The following TBXAS1 variants were observed in gnomAD, a reference collection of about 807,000 sequenced individuals.
TBXAS1 encodes thromboxane A synthase 1, also known as thromboxane-A synthase.
Under a neutral mutation model 60.7 loss-of-function variants are expected in TBXAS1, and 48 were observed. The observed-to-expected ratio is 0.79, with a 90% confidence interval of 0.63 to 1.01. The LOEUF (loss-of-function observed/expected upper bound fraction) is 1.01. Among genes scored for constraint, TBXAS1 ranks in the 50% least tolerant of loss-of-function variants. The pLI is 0.00. For missense variants in TBXAS1, 685 were observed against 686.3 expected, an observed-to-expected ratio of 1.00 and a Z score of 0.02; for synonymous variants, 287 against 269.7, an observed-to-expected ratio of 1.06 and a Z score of -0.63.
At chr7:139,934,773 C>T (rs566564909) in intron 4 of TBXAS1, among the ~76,000 whole-genome samples, 4 of 152,252 alleles carry the variant, frequency 2.6e-5, no homozygotes, top group African/African-American at 7.2e-5. Context: ...GCACACCAGT[C>T]ATGTTGGATT....
chr7:139,807,502 G>A (rs549451465), intron 4 of TBXAS1, among the ~76,000 whole-genome samples: 2 of 152,102 alleles, frequency 1.3e-5, no homozygotes, highest in Admixed American at 1.3e-4. Flanking sequence ...TCCTGCCTCA[G>A]CCTCCCAAGT....
chr7:139,968,556 A>G (rs1810960216), intron 9 of TBXAS1, among the ~76,000 whole-genome samples: 1 of 152,124 alleles, frequency 6.6e-6, no homozygotes, highest in African/African-American at 2.4e-5. Context: ...CAGCCTCCCA[A>G]AGTGCTGGAA....
At chr7:139,812,462 G>T (rs1215342734) in intron 4 of TBXAS1, among the ~76,000 whole-genome samples, 1 of 152,114 alleles carries the variant, frequency 6.6e-6, no homozygotes, top group Non-Finnish European at 1.5e-5. Flanking sequence ...TGGAAGTTCA[G>T]ACAAACATAA....
intron 4 of TBXAS1, among the ~76,000 whole-genome samples, chr7:139,801,561 C>T (rs1797724521): frequency 6.6e-6 from 1 of 152,032 alleles, no homozygotes; most frequent in Non-Finnish European, 1.5e-5. Context: ...CCTCTGCCTC[C>T]CAGGCTCAAA....
At chr7:139,876,038 T>C (rs776814447) in intron 3 of TBXAS1, 20 of 232,966 alleles carry the variant, frequency 8.6e-5, no homozygotes, top group Non-Finnish European at 1.5e-4. Flanking sequence ...TGAACCTTAC[T>C]CAGACTCGGG....
intron 1 of TBXAS1, among the ~76,000 whole-genome samples, chr7:139,779,924 C>A (rs1796930217): frequency 6.6e-6 from 1 of 152,202 alleles, no homozygotes; most frequent in African/African-American, 2.4e-5. Flanking sequence ...CTTTCCCACC[C>A]ACTTTCCCAG....
intron 1 of TBXAS1, among the ~76,000 whole-genome samples, chr7:139,855,303 G>T (rs1195768733): frequency 6.6e-6 from 1 of 152,194 alleles, no homozygotes; most frequent in Non-Finnish European, 1.5e-5. Context: ...AGATGGCTGT[G>T]TAGCTGGGAT....
chr7:140,007,715 C>T (rs1182733918), intron 10 of TBXAS1, among the ~76,000 whole-genome samples: 1 of 152,170 alleles, frequency 6.6e-6, no homozygotes, highest in Non-Finnish European at 1.5e-5. Flanking sequence ...CCCTCCAAAA[C>T]GTCTCACTGC....
chr7:139,807,059 C>T (rs1254278251), intron 4 of TBXAS1, among the ~76,000 whole-genome samples: 1 of 152,212 alleles, frequency 6.6e-6, no homozygotes, highest in Admixed American at 6.5e-5. Context: ...TGGATTCCTG[C>T]CTCTGGTCTG....
chr7:139,784,452 G>A (rs1797119362), intron 3 of TBXAS1, among the ~76,000 whole-genome samples: 2 of 152,204 alleles, frequency 1.3e-5, no homozygotes, highest in Admixed American at 1.3e-4. Context: ...AATGAGTGCA[G>A]CAGTAAAAAG....
intron 4 of TBXAS1, among the ~76,000 whole-genome samples, chr7:139,790,207 T>C (rs1797339472): frequency 6.6e-6 from 1 of 152,218 alleles, no homozygotes; most frequent in Non-Finnish European, 1.5e-5. Context: ...TTACTAAATA[T>C]TTGCCTCAGC....
intron 10 of TBXAS1, among the ~76,000 whole-genome samples, chr7:140,015,503 C>T (rs1466543842): frequency 6.6e-6 from 1 of 152,144 alleles, no homozygotes; most frequent in East Asian, 1.9e-4. Context: ...AGCCTAGCCT[C>T]GGGGCTGCAG....
upstream of TBXAS1, among the ~76,000 whole-genome samples, chr7:139,828,686 T>C (rs571505149): frequency 3.3e-5 from 5 of 152,304 alleles, no homozygotes; most frequent in Non-Finnish European, 7.4e-5. Context: ...AAAGGACCCA[T>C]ATATGAGCCT....
intron 4 of TBXAS1, among the ~76,000 whole-genome samples, chr7:139,922,999 T>C (rs537716004): frequency 6.6e-5 from 10 of 152,210 alleles, no homozygotes; most frequent in Non-Finnish European, 1.3e-4. Flanking sequence ...TCACACTCTC[T>C]TAAATAGCAT....
intron 7 of TBXAS1, among the ~76,000 whole-genome samples, chr7:139,956,114 C>G (rs146069034): frequency 6.6e-6 from 1 of 152,030 alleles, no homozygotes; most frequent in Non-Finnish European, 1.5e-5. Context: ...ACCCAATGCA[C>G]GAGGACCAGT....
chr7:139,961,836 A>G (rs780655676), intron 8 of TBXAS1, 83 bp from the exon 9 acceptor site: 23 of 1,541,472 alleles, frequency 1.5e-5, no homozygotes, highest in African/African-American at 2.7e-5. Flanking sequence ...ATGCCCATGT[A>G]TCTTCCTCCT....
At position 140,020,051 on chromosome 7, in the gene TBXAS1, T is replaced by G. The variant is rs1427293304; in HGVS notation, c.1554T>G (p.Ser518=). The change falls in exon 13 of 13, where the codon TCT becomes TCG. Residue 518 remains serine, a synonymous_variant. Coordinates refer to ENST00000448866, the MANE Select transcript of TBXAS1 (RefSeq NM_001061.7). ...TQVPLQLESK[S]ALGPKNGVYI... ...TACCGCTGCAGCTAGAATCCAAATC[T>G]GCCCTAGGTCCAAAAAATGGTGTCT... is the stretch of plus-strand genomic sequence containing the variant. 1.2e-6 allele frequency: 2 copies of G among 1,613,328 alleles called. No individual in the cohort carries two copies. The highest frequency in any genetic ancestry group is 3.3e-5 in the Admixed American group (2 of 59,874).
At chr7:139,807,823 A>G (rs1797917176) in intron 4 of TBXAS1, among the ~76,000 whole-genome samples, 1 of 151,660 alleles carries the variant, frequency 6.6e-6, no homozygotes, top group Admixed American at 6.6e-5. Flanking sequence ...CCCTGTGTTT[A>G]TTTTCCATGG....
At chr7:139,792,539 AC>A (rs1264944044) in intron 4 of TBXAS1, among the ~76,000 whole-genome samples, 1 of 152,228 alleles carries the variant, frequency 6.6e-6, no homozygotes, top group African/African-American at 2.4e-5. Flanking sequence ...GACAATGAAA[AC>A]AAAACAAACA....
Sources: gnomAD v4.1 joint callset for allele counts (sites outside exome capture counted in the v4.1 genomes callset) on GRCh38, gnomAD v4.1.1 for gene constraint, MANE v1.5 for transcripts, NCBI Gene and HGNC (gene_info 2026-07-23, HGNC 2026-07-21) for gene names.